Variants in NCAPH observed in about 807,000 individuals in gnomAD.
NCAPH encodes the protein condensin complex subunit 2.
In NCAPH, 38 loss-of-function variants were observed where a neutral mutation model predicts 85.5. That is an observed-to-expected ratio of 0.44 (90% CI 0.34 to 0.58). NCAPH has a LOEUF of 0.58. Ranked by LOEUF, NCAPH falls within the 20% of genes least tolerant of loss-of-function variation. The pLI is 0.01. For missense variants in NCAPH, 789 were observed against 916.6 expected (o/e 0.86, Z 1.80); for synonymous variants, 301 against 335.1 (o/e 0.90, Z 1.11).
intron 13 of NCAPH, among the ~76,000 whole-genome samples, chr2:96,364,893 G>A (rs78182464): frequency 1.5e-3 from 226 of 152,310 alleles, no homozygotes; most frequent in African/African-American, 4.9e-3. Flanking sequence ...AATCTTGGCT[G>A]TTGTGGGATT....
chr2:96,342,029 T>C, intron 2 of NCAPH, 21 bp from the exon 3 acceptor site: 1 of 1,589,280 alleles, frequency 6.3e-7, no homozygotes, highest in Non-Finnish European at 8.6e-7. Flanking sequence ...CCAGAGTTGT[T>C]TGTTTTTGTT....
intron 3 of NCAPH, 94 bp from the exon 4 acceptor site, chr2:96,342,662 T>C: frequency 1.0e-6 from 1 of 991,580 alleles, no homozygotes; most frequent in Non-Finnish European, 1.6e-6. Context: ...TGGGTATTCC[T>C]ATGTAAAGAC....
chr2:96,368,978 C>G lies in NCAPH; in HGVS notation c.2005C>G (p.His669Asp). The G allele has an allele frequency of 6.4e-7, 1 of 1,553,798 alleles. No individual in the cohort carries two copies. Among genetic ancestry groups the G allele is most frequent in the Non-Finnish European group, 8.7e-7 (1 of 1,148,086 alleles). Residue 669 changes from histidine to aspartate, a missense_variant, in exon 16 of 18, where the codon CAC (histidine) becomes GAC (aspartate). Transcript: ENST00000240423. Reference sequence around the variant, plus strand: ...ATAAATGTGCTTCTGTTAGGCAAACCACAGGGAAGCTGGAAAAGAAGCGGC... The same window carrying G: ...ATAAATGTGCTTCTGTTAGGCAAACGACAGGGAAGCTGGAAAAGAAGCGGC... ...SGKEADAEANHREAGKEAALA... is the reference protein window; with the variant it reads ...SGKEADAEANDREAGKEAALA...
chr2:96,369,161 A>G (rs932993664), intron 16 of NCAPH, 98 bp downstream of exon 16: 1 of 1,214,586 alleles, frequency 8.2e-7, no homozygotes, highest in Non-Finnish European at 1.2e-6. Flanking sequence ...TATGACATTT[A>G]TAGTGGCTGT....
rs2064204395 is a variant in NCAPH, at chr2:96,335,834, G to A, written c.5G>A (p.Gly2Glu). The A allele has an allele frequency of 6.7e-7, 1 of 1,497,980 alleles. No homozygotes were observed. The highest frequency in any genetic ancestry group is 1.3e-5 in the South Asian group (1 of 78,438). 92.8% of individuals were successfully genotyped at this position (1,497,980 alleles called of 1,614,324 possible). Reference protein sequence around the residue: MGPPGPALPATM... With the variant: MEPPGPALPATM... ...CTCAGGAGACGCCAAGGAAAGATGG[G>A]ACCTCCCGGCCCAGGTGAGCCGGGC... Residue 2 changes from glycine to glutamate, a missense_variant, in exon 1 of 18, where the codon GGA (glycine) becomes GAA (glutamate). By Grantham distance (98) the Gly-to-Glu change is moderately conservative (BLOSUM62 -2). Coordinates refer to ENST00000240423, the MANE Select transcript of NCAPH (RefSeq NM_015341.5).
chr2:96,342,759 A>G lies in NCAPH; in HGVS notation c.367A>G (p.Ile123Val). The change falls in exon 4 of 18, where the codon ATC (isoleucine) becomes GTC (valine). Residue 123 changes from isoleucine to valine, a missense_variant. Ile to Val is a conservative substitution (Grantham distance 29). Transcript: ENST00000240423. ...TCIKLSTENK[I>V]TTKNAFGLHL... ...TTCTGCAATTTTCTGTTTTCAGAAA[A>G]TCACTACCAAGAATGCTTTTGGTTT... 1.2e-6 allele frequency: 2 copies of G among 1,611,482 alleles called. No individual in the cohort carries two copies. Among genetic ancestry groups the G allele is most frequent in the Non-Finnish European group, 1.7e-6 (2 of 1,178,526 alleles).
In NCAPH at chr2:96,369,612, GACTTATGTAGC is replaced by G. The variant is rs2064745912; in HGVS notation, c.2166+115_2166+125del. 5.4e-6 allele frequency: 6 copies of G among 1,110,756 alleles called. No homozygotes were observed. The South Asian group carries it at 7.8e-5, about 14-fold the overall frequency. 68.8% of individuals were successfully genotyped at this position (1,110,756 alleles called of 1,614,324 possible). ...TAACATAGGATTTCTTAAATACAGTGACTTATGTAGCACCTTCAACCCAAATGATTAGCCAG... is the reference window on the plus strand; with the variant it reads ...TAACATAGGATTTCTTAAATACAGTGACCTTCAACCCAAATGATTAGCCAG... On this transcript the variant is annotated intron_variant, in intron 17 of 17. Transcript: ENST00000240423.
At chr2:96,372,864 CAT>C (rs1355536089) in intron 17 of NCAPH, among the ~76,000 whole-genome samples, 2 of 152,060 alleles carry the variant, frequency 1.3e-5, no homozygotes, top group Non-Finnish European at 2.9e-5. Flanking sequence ...ATATAAAAAT[CAT>C]ATATGTGTAT....
At chr2:96,370,788 G>C (rs1340006546) in intron 17 of NCAPH, among the ~76,000 whole-genome samples, 2 of 152,170 alleles carry the variant, frequency 1.3e-5, no homozygotes, top group East Asian at 3.8e-4. Flanking sequence ...CCACCAGTCT[G>C]GGTGTTCAAA....
At chr2:96,340,561 T>C (rs928369299) in intron 1 of NCAPH, among the ~76,000 whole-genome samples, 2 of 151,972 alleles carry the variant, frequency 1.3e-5, no homozygotes, top group Non-Finnish European at 2.9e-5. Context: ...CAGCTAACTT[T>C]TGTATTTTTA....
At chr2:96,369,148 T>C in intron 16 of NCAPH, 85 bp downstream of exon 16, 2 of 1,310,524 alleles carry the variant, frequency 1.5e-6, no homozygotes, top group Non-Finnish European at 2.1e-6. Context: ...ACAACCTGTT[T>C]CCTATGACAT....
At chr2:96,355,844 C>T (rs2064517866) in intron 9 of NCAPH, among the ~76,000 whole-genome samples, 1 of 151,956 alleles carries the variant, frequency 6.6e-6, no homozygotes, top group Non-Finnish European at 1.5e-5. Context: ...CCATGTTAGC[C>T]AGGATGGTCT....
intron 6 of NCAPH, among the ~76,000 whole-genome samples, chr2:96,350,142 C>T (rs969773436): frequency 2.6e-5 from 4 of 152,224 alleles, no homozygotes; most frequent in African/African-American, 9.6e-5. Context: ...TATTGTAAGG[C>T]CTTTTATTGT....
intron 1 of NCAPH, among the ~76,000 whole-genome samples, chr2:96,337,665 G>A (rs954844629): frequency 2.6e-5 from 4 of 152,220 alleles, no homozygotes; most frequent in African/African-American, 4.8e-5. Flanking sequence ...TGATCTGCCC[G>A]CCTCAGCCTC....
intron 3 of NCAPH, among the ~76,000 whole-genome samples, 194 bp downstream of exon 3, chr2:96,342,334 T>C (rs1020642526): frequency 6.6e-6 from 1 of 152,200 alleles, no homozygotes; most frequent in Non-Finnish European, 1.5e-5. Flanking sequence ...CTGCTGTGTA[T>C]CTAGAAAGGC....
chr2:96,359,497 C>G (rs1054533752), intron 10 of NCAPH: 3 of 370,338 alleles, frequency 8.1e-6, no homozygotes, highest in Non-Finnish European at 1.5e-5. Flanking sequence ...TGGGCATGAC[C>G]CCCGGGCACT....
chr2:96,365,466 C>T (rs2064684130), intron 13 of NCAPH, among the ~76,000 whole-genome samples: 1 of 152,058 alleles, frequency 6.6e-6, no homozygotes, highest in South Asian at 2.1e-4. Flanking sequence ...ATGACTTTCT[C>T]ACCTGCTTCT....
intron 1 of NCAPH, among the ~76,000 whole-genome samples, chr2:96,336,132 C>T (rs1423502235): frequency 6.6e-6 from 1 of 152,154 alleles, no homozygotes; most frequent in African/African-American, 2.4e-5. Context: ...GTGGGGCGGC[C>T]TCCTCCTTGG....
At chr2:96,364,449 A>G (rs373480031) in intron 12 of NCAPH, 32 bp from the exon 13 acceptor site, 46 of 1,445,210 alleles carry the variant, frequency 3.2e-5, no homozygotes, top group Non-Finnish European at 4.4e-5. Context: ...GCTTTTAACA[A>G]AATAGCTTTC....
Sources: gnomAD v4.1 joint callset for allele counts (sites outside exome capture counted in the v4.1 genomes callset) on GRCh38, gnomAD v4.1.1 for gene constraint, MANE v1.5 for transcripts, NCBI Gene and HGNC (gene_info 2026-07-23, HGNC 2026-07-21) for gene names.